The following INPPL1 variants were observed in gnomAD, a reference collection of about 807,000 sequenced individuals.
INPPL1 encodes inositol polyphosphate phosphatase like 1, also known as phosphatidylinositol 3,4,5-trisphosphate 5-phosphatase 2.
A neutral mutation model predicts 139.3 loss-of-function variants in INPPL1; 91 were observed. The ratio of observed to expected loss-of-function variants is 0.65; its 90% CI spans 0.55 to 0.78. The LOEUF (loss-of-function observed/expected upper bound fraction) is 0.78, where lower values mean the gene tolerates loss of function less well. Ranked by LOEUF, INPPL1 falls within the 30% of genes least tolerant of loss-of-function variation. The pLI, the probability that INPPL1 is intolerant of heterozygous loss-of-function variation, is 0.00. For missense variants in INPPL1, 1,411 were observed against 1,665.6 expected (o/e 0.85, Z 2.66); for synonymous variants, 719 against 686.6 (o/e 1.05, Z -0.74).
Position 72,237,241 on chromosome 11 carries a change from G to A in INPPL1, c.2997G>A (p.Pro999=), listed in dbSNP as rs529885645. The A allele has an allele frequency of 1.9e-5, 31 of 1,613,864 alleles. No homozygotes were observed. The South Asian group carries it at 2.1e-4, about 11-fold the overall frequency. The change falls in exon 26 of 28, where the codon CCG becomes CCA. Residue 999 remains proline (P), a synonymous_variant. Transcript: ENST00000298229. ...GGGTCCCGCACCAGCTGCTGCCCCCGGAGCCACCCTCGCCTGCCAGGGCCC... is the reference window on the plus strand; with the variant it reads ...GGGTCCCGCACCAGCTGCTGCCCCCAGAGCCACCCTCGCCTGCCAGGGCCC... ...LEGVPHQLLP[P]EPPSPARAPV...
intron 25 of INPPL1, 38 bp downstream of exon 25, chr11:72,236,024 A>T: frequency 2.5e-6 from 2 of 786,264 alleles, no homozygotes; most frequent in Non-Finnish European, 3.5e-6. Flanking sequence ...CCCTTCCCCC[A>T]CCCACCTCTA....
Position 72,233,488 on chromosome 11 carries a change from C to T in INPPL1, c.2088C>T (p.Ser696=). 1 of 1,614,172 alleles carries T rather than the reference C, an allele frequency of 6.2e-7. No homozygotes were observed. The highest frequency in any genetic ancestry group is 8.5e-7 in the Non-Finnish European group (1 of 1,180,010). ...PSWCDRILWK[S]YPETHIICNS... ...GGTGTGACCGGATTCTGTGGAAATC[C>T]TACCCTGAAACTCACATCATCTGCA... The change falls in exon 18 of 28, where the codon TCC becomes TCT. Residue 696 remains serine (S), a synonymous_variant. Transcript: ENST00000298229.
At chr11:72,237,083 G>A in intron 25 of INPPL1, 41 bp from the exon 26 acceptor site, 1 of 1,529,944 alleles carries the variant, frequency 6.5e-7, no homozygotes, top group Non-Finnish European at 8.8e-7. Flanking sequence ...TTAGACCTGG[G>A]TTCCTGGATC....
intron 13 of INPPL1, 130 bp from the exon 14 acceptor site, chr11:72,232,110 G>A (rs1043314775): frequency 5.4e-6 from 4 of 736,972 alleles, no homozygotes; most frequent in Admixed American, 4.5e-5. Context: ...GTGTGCAGGG[G>A]CCTGCCCATG....
Position 72,228,924 on chromosome 11 carries a change from G to A in INPPL1, c.518+77G>A. On this transcript the variant is annotated intron_variant, in intron 4 of 27. Coordinates refer to ENST00000298229, the MANE Select transcript of INPPL1 (RefSeq NM_001567.4). The surrounding 1 kb of genome is among the most constrained non-coding windows in gnomAD (Gnocchi z 5.0). Reference sequence around the variant, plus strand: ...CTATTTCCCTACCAAAGGTGGGGAGGCCTTCTAAGACCCCACCAGGGACCC... The same window carrying A: ...CTATTTCCCTACCAAAGGTGGGGAGACCTTCTAAGACCCCACCAGGGACCC... 1 of 1,519,032 alleles carries A rather than the reference G, an allele frequency of 6.6e-7. No individual in the cohort carries two copies. The highest frequency in any genetic ancestry group is 1.4e-5 in the African/African-American group (1 of 72,130). The allele number at this position is 1,519,032 out of a possible 1,614,324, so 94.1% of individuals were successfully genotyped here.
rs1217248312 is a variant in INPPL1, at chr11:72,228,117, C to T, written c.183-73C>T. Reference sequence around the variant, plus strand: ...GGGGTTGGGGTGCTGAGCTTGCTGGCAGGAGGAAGGGGTGCTTTGGGTCTT... The same window carrying T: ...GGGGTTGGGGTGCTGAGCTTGCTGGTAGGAGGAAGGGGTGCTTTGGGTCTT... On this transcript the variant is annotated intron_variant, in intron 1 of 27. Transcript: ENST00000298229. This position sits in a 1 kb window ranked among gnomAD's most constrained non-coding sequence, Gnocchi z 5.0. The T allele has an allele frequency of 6.6e-5, 101 of 1,533,894 alleles. No individual in the cohort carries two copies. Among genetic ancestry groups the T allele is most frequent in the Non-Finnish European group, 8.2e-5 (91 of 1,108,026 alleles).
At chr11:72,227,266 G>A (rs1158154843) in intron 1 of INPPL1, among the ~76,000 whole-genome samples, 1 of 152,166 alleles carries the variant, frequency 6.6e-6, no homozygotes, top group Non-Finnish European at 1.5e-5. Flanking sequence ...CTTTGAGCCT[G>A]TTTCCTCAGC....
In INPPL1 at chr11:72,228,187, C is replaced by T. The variant is rs1473208669; in HGVS notation, c.183-3C>T. On this transcript the variant is annotated splice_region_variant and splice_polypyrimidine_tract_variant and intron_variant, in intron 1 of 27. Transcript: ENST00000298229. This position sits in a 1 kb window ranked among gnomAD's most constrained non-coding sequence, Gnocchi z 5.0. ...ACAGATTCTGGCCCTGCCTTGGCATCAGGTATCAGAAGCATGTGCACACGT... is the reference window on the plus strand; with the variant it reads ...ACAGATTCTGGCCCTGCCTTGGCATTAGGTATCAGAAGCATGTGCACACGT... 3 of 1,613,972 alleles carry T rather than the reference C, an allele frequency of 1.9e-6. No homozygotes were observed. Among genetic ancestry groups the T allele is most frequent in the Non-Finnish European group, 2.5e-6 (3 of 1,179,966 alleles).
At chr11:72,238,229 C>T (rs1008705680) in intron 27 of INPPL1, 34 bp from the exon 28 acceptor site, 1 of 1,613,568 alleles carries the variant, frequency 6.2e-7, no homozygotes, top group Admixed American at 1.7e-5. Context: ...GATCCCCTTG[C>T]CCATCTCACT....
At position 72,230,251 on chromosome 11, in the gene INPPL1, C is replaced by A; in HGVS notation, c.1070C>A (p.Thr357Asn). 6.2e-7 allele frequency: 1 copy of A among 1,608,452 alleles called. No homozygotes were observed. Among genetic ancestry groups the A allele is most frequent in the Non-Finnish European group, 8.5e-7 (1 of 1,176,468 alleles). The change falls in exon 9 of 28, where the codon ACC (threonine) becomes AAC (asparagine). Residue 357 changes from threonine to asparagine, a missense_variant. Thr to Asn is a moderately conservative substitution (Grantham distance 65). This residue lies in a region of INPPL1 where 504 missense variants were observed against 595.6 expected (regional missense o/e 0.85). Transcript: ENST00000298229. ...CAGCGGGACTCCCAGGAGGACTGGA[C>A]CACCTTCACGCACGACCGCAGTGAG... is the stretch of plus-strand genomic sequence containing the variant. ...RRQRDSQEDW[T>N]TFTHDRIRQL... is the part of the protein sequence containing the mutation.
Position 72,228,947 on chromosome 11 carries a change from C to A in INPPL1, c.518+100C>A, listed in dbSNP as rs1023315114. ...AGGCCTTCTAAGACCCCACCAGGGA[C>A]CCCCACCCCACCTCAGCCCAGAGGC... is the stretch of plus-strand genomic sequence containing the variant. On this transcript the variant is annotated intron_variant, in intron 4 of 27. Coordinates refer to ENST00000298229, the MANE Select transcript of INPPL1 (RefSeq NM_001567.4). The surrounding 1 kb of genome is among the most constrained non-coding windows in gnomAD (Gnocchi z 5.0). 1.4e-5 allele frequency: 21 copies of A among 1,518,308 alleles called. No homozygotes were observed. The highest frequency in any genetic ancestry group is 2.8e-5 in the African/African-American group (2 of 72,002). The allele number at this position is 1,518,308 out of a possible 1,614,324, so 94.1% of individuals were successfully genotyped here. A position where few individuals can be genotyped will look rare whatever the true frequency, so the allele number is the denominator to read the frequency against.
rs746371096 is a variant in INPPL1 at position 72,234,732 on chromosome 11, A to AGAGTGTGTGTGTGTGT, written c.2415+118_2415+119insAGTGTGTGTGTGTGTG. 22 of 528,410 alleles carry AGAGTGTGTGTGTGTGT rather than the reference A, an allele frequency of 4.2e-5. No individual in the cohort carries two copies. Among genetic ancestry groups the AGAGTGTGTGTGTGTGT allele is most frequent in the African/African-American group, 3.7e-4 (18 of 48,500 alleles). 32.7% of individuals were successfully genotyped at this position (528,410 alleles called of 1,614,324 possible). On this transcript the variant is annotated intron_variant, in intron 21 of 27. Coordinates refer to ENST00000298229, the MANE Select transcript of INPPL1 (RefSeq NM_001567.4). This position sits in a 1 kb window ranked among gnomAD's most constrained non-coding sequence, Gnocchi z 4.2. The stretch of plus-strand genomic sequence containing the variant: ...GGGGCCAGCAGAGAGAGAGAGAGAG[A>AGAGTGTGTGTGTGTGT]GTGTGTGTGTGTGTGTGTGTGTGTG...
chr11:72,225,060 C>A lies in INPPL1; in HGVS notation c.76C>A (p.Leu26Met). 2.4e-6 allele frequency: 3 copies of A among 1,230,186 alleles called. No homozygotes were observed. The highest frequency in any genetic ancestry group is 3.0e-6 in the Non-Finnish European group (3 of 987,202). 76.2% of individuals were successfully genotyped at this position (1,230,186 alleles called of 1,614,324 possible). Residue 26 changes from leucine to methionine, a missense_variant, in exon 1 of 28, where the codon CTG becomes ATG. By Grantham distance (15) the Leu-to-Met change is conservative (BLOSUM62 2). This residue lies in a region of INPPL1 where 504 missense variants were observed against 595.6 expected (regional missense o/e 0.85). Transcript: ENST00000298229. Reference sequence around the variant, plus strand: ...GGCCCCCTCCTGGTACCACCGCGACCTGAGCCGGGCGGCCGCGGAGGAGCT... The same window carrying A: ...GGCCCCCTCCTGGTACCACCGCGACATGAGCCGGGCGGCCGCGGAGGAGCT... Reference protein sequence around the residue: ...SQAPSWYHRDLSRAAAEELLA... With the variant: ...SQAPSWYHRDMSRAAAEELLA...
intron 19 of INPPL1, 49 bp downstream of exon 19, chr11:72,233,793 C>CCACCTGTGCCCACCT: frequency 6.7e-7 from 1 of 1,481,692 alleles, no homozygotes; most frequent in Non-Finnish European, 9.4e-7. Context: ...TAGGTGGGCA[C>CCACCTGTGCCCACCT]AGGTGGTGGC....
chr11:72,238,458 CTGCCTATTTAT>C lies in INPPL1; in HGVS notation c.*108_*118del. On this transcript the variant is annotated 3_prime_UTR_variant, in exon 28 of 28. Coordinates refer to ENST00000298229, the MANE Select transcript of INPPL1 (RefSeq NM_001567.4). ...TTATGAGGGTCAGGGCAGTATCTCTCTGCCTATTTATTGGGGTGCCTATTTATTGGGGATCT... is the reference window on the plus strand; with the variant it reads ...TTATGAGGGTCAGGGCAGTATCTCTCTGGGGTGCCTATTTATTGGGGATCT... The C allele has an allele frequency of 1.1e-6, 1 of 900,632 alleles. No individual in the cohort carries two copies. Among genetic ancestry groups the C allele is most frequent in the Non-Finnish European group, 1.6e-6 (1 of 623,650 alleles). 55.8% of individuals were successfully genotyped at this position (900,632 alleles called of 1,614,324 possible). A position where few individuals can be genotyped will look rare whatever the true frequency, so the allele number is the denominator to read the frequency against.
In INPPL1 at chr11:72,230,457, G is replaced by C; in HGVS notation, c.1186G>C (p.Val396Leu). The C allele has an allele frequency of 1.2e-6, 2 of 1,613,798 alleles. No individual in the cohort carries two copies. Among genetic ancestry groups the C allele is most frequent in the Non-Finnish European group, 1.7e-6 (2 of 1,180,022 alleles). Residue 396 changes from valine to leucine, a missense_variant, in exon 10 of 28, where the codon GTC becomes CTC. Val to Leu is a conservative substitution (Grantham distance 32). Coordinates refer to ENST00000298229, the MANE Select transcript of INPPL1 (RefSeq NM_001567.4). ...GACTCAGCGCAAGGACTTCATCTTT[G>C]TCAGTGCCCGGGTGAGCAGCAGGCT... ...DRTQRKDFIF[V>L]SARKREAFCQ...
In INPPL1 at chr11:72,233,677, C is replaced by G. The variant is rs1338619378; in HGVS notation, c.2145C>G (p.Thr715=). The stretch of plus-strand genomic sequence containing the variant: ...CAGGTTGCACTGATGACATCGTCAC[C>G]AGCGACCATTCCCCCGTGTTTGGGA... ...NSYGCTDDIV[T]SDHSPVFGTF... Residue 715 remains threonine, a synonymous_variant, in exon 19 of 28, where the codon ACC becomes ACG. Transcript: ENST00000298229. 6 of 1,614,026 alleles carry G rather than the reference C, an allele frequency of 3.7e-6. No individual in the cohort carries two copies. The highest frequency in any genetic ancestry group is 4.2e-6 in the Non-Finnish European group (5 of 1,180,016).
At chr11:72,230,719 C>A in intron 10 of INPPL1, 77 bp from the exon 11 acceptor site, 1 of 1,231,622 alleles carries the variant, frequency 8.1e-7, no homozygotes, top group Non-Finnish European at 1.2e-6. Flanking sequence ...TGGACATGAG[C>A]CAACTGGCAG....
At position 72,235,767 on chromosome 11, in the gene INPPL1, G is replaced by GT. The variant is rs754496591; in HGVS notation, c.2738+15dup. 15 of 1,614,072 alleles carry GT rather than the reference G, an allele frequency of 9.3e-6. No individual in the cohort carries two copies. Among genetic ancestry groups the GT allele is most frequent in the Non-Finnish European group, 1.3e-5 (15 of 1,179,958 alleles). ...CCAGGAGCCCAGGTGAGCTAGGGCT[G>GT]TGTTGAATGTCATATGAAAGGGTAC... On this transcript the variant is annotated intron_variant, in intron 24 of 27. Coordinates refer to ENST00000298229, the MANE Select transcript of INPPL1 (RefSeq NM_001567.4). The surrounding 1 kb of genome is among the most constrained non-coding windows in gnomAD (Gnocchi z 4.9).
Sources: gnomAD v4.1 joint callset for allele counts (sites outside exome capture counted in the v4.1 genomes callset) on GRCh38, gnomAD v4.1.1 for gene constraint, gnomAD v4.1.1 regional missense constraint, Gnocchi (gnomAD v3.1) non-coding constraint, MANE v1.5 for transcripts, NCBI Gene and HGNC (gene_info 2026-07-23, HGNC 2026-07-21) for gene names.